Variants in LPP observed in about 807,000 individuals in gnomAD.
The protein encoded by LPP is lipoma-preferred partner.
In LPP, 38 loss-of-function variants were observed where a neutral mutation model predicts 60.4. That is an observed-to-expected ratio of 0.63 (90% CI 0.49 to 0.83). The LOEUF is 0.83. Among genes scored for constraint, LPP ranks in the 40% least tolerant of loss-of-function variants. LPP has a pLI of 0.00. For synonymous variants in LPP, 328 were observed against 290.8 expected (o/e 1.13, Z -1.30); for missense variants, 902 against 783.6 (o/e 1.15, Z -1.80).
At chr3:188,315,692 T>C (rs954502339) in intron 2 of LPP, among the ~76,000 whole-genome samples, 2 of 152,196 alleles carry the variant, frequency 1.3e-5, no homozygotes, top group Non-Finnish European at 1.5e-5. Context: ...TCTACCGTTG[T>C]GCCTGTCATA....
chr3:188,171,416 T>C (rs182487809), intron 1 of LPP, among the ~76,000 whole-genome samples: 1 of 152,354 alleles, frequency 6.6e-6, no homozygotes, highest in East Asian at 1.9e-4. Flanking sequence ...CTCAATGCTG[T>C]AAATCTTCCT....
intron 6 of LPP, among the ~76,000 whole-genome samples, chr3:188,582,268 C>T (rs1836416271): frequency 6.8e-6 from 1 of 147,360 alleles, no homozygotes; most frequent in South Asian, 2.2e-4. Flanking sequence ...TCAAACGATT[C>T]TCTTGCCTCA....
At chr3:188,779,354 G>C (rs893815175) in intron 9 of LPP, among the ~76,000 whole-genome samples, 6 of 152,164 alleles carry the variant, frequency 3.9e-5, no homozygotes, top group Non-Finnish European at 8.8e-5. Context: ...AGAAAATCAG[G>C]AAGGGACGTG....
chr3:188,315,957 T>C (rs139940560), intron 2 of LPP, among the ~76,000 whole-genome samples: 71 of 152,338 alleles, frequency 4.7e-4, no homozygotes, highest in African/African-American at 1.7e-3. Flanking sequence ...AAATCAAGTA[T>C]ACCTGGGTAA....
chr3:188,655,891 A>G (rs942934002), intron 7 of LPP, among the ~76,000 whole-genome samples: 10 of 152,074 alleles, frequency 6.6e-5, no homozygotes. Flanking sequence ...CTAATCTCAC[A>G]TTAAAAAAAC....
intron 9 of LPP, among the ~76,000 whole-genome samples, chr3:188,837,672 C>T (rs577175448): frequency 6.6e-6 from 1 of 152,046 alleles, no homozygotes; most frequent in Non-Finnish European, 1.5e-5. Flanking sequence ...AAAGCCATTA[C>T]TTGCTTTTTT....
chr3:188,158,311 G>A (rs1717140161), intron 1 of LPP, among the ~76,000 whole-genome samples: 1 of 152,176 alleles, frequency 6.6e-6, no homozygotes, highest in African/African-American at 2.4e-5. Context: ...TAATCATGTT[G>A]ATGCATGCAG....
At chr3:188,230,093 T>A (rs1189503429) in intron 2 of LPP, among the ~76,000 whole-genome samples, 2 of 135,894 alleles carry the variant, frequency 1.5e-5, no homozygotes, top group African/African-American at 5.8e-5. Flanking sequence ...AAACATATTC[T>A]TTTTTTTTTT....
At chr3:188,793,556 C>T (rs905537162) in intron 9 of LPP, among the ~76,000 whole-genome samples, 6 of 152,120 alleles carry the variant, frequency 3.9e-5, no homozygotes, top group Admixed American at 1.3e-4. Flanking sequence ...GATGTCCTGA[C>T]ATAAGAGTAA....
intron 3 of LPP, among the ~76,000 whole-genome samples, chr3:188,404,995 A>T (rs1024180291): frequency 6.6e-6 from 1 of 152,148 alleles, no homozygotes; most frequent in Non-Finnish European, 1.5e-5. Flanking sequence ...TATTATATGC[A>T]ATCTGATCAG....
chr3:188,602,440 G>A (rs1428789684), intron 6 of LPP, among the ~76,000 whole-genome samples: 1 of 151,512 alleles, frequency 6.6e-6, no homozygotes, highest in African/African-American at 2.4e-5. Flanking sequence ...AACTGAAATA[G>A]GTTAGCTGTG....
At chr3:188,591,070 A>T (rs955437203) in intron 6 of LPP, among the ~76,000 whole-genome samples, 16 of 152,180 alleles carry the variant, frequency 1.1e-4, no homozygotes, top group African/African-American at 3.9e-4. Context: ...GAGCCTCCAC[A>T]GCCAGAGGAT....
At chr3:188,622,008 T>G (rs1210330568) in intron 7 of LPP, among the ~76,000 whole-genome samples, 1 of 152,168 alleles carries the variant, frequency 6.6e-6, no homozygotes, top group Non-Finnish European at 1.5e-5. Context: ...AAGTCAGGGA[T>G]GGCATGGGCA....
At chr3:188,625,037 T>A (rs372866495) in intron 7 of LPP, among the ~76,000 whole-genome samples, 2 of 152,130 alleles carry the variant, frequency 1.3e-5, no homozygotes, top group Non-Finnish European at 2.9e-5. Flanking sequence ...TTATTCTTAG[T>A]GTTAGCATTT....
At chr3:188,519,238 G>A (rs185268345) in intron 5 of LPP, among the ~76,000 whole-genome samples, 140 of 152,170 alleles carry the variant, frequency 9.2e-4, no homozygotes, top group African/African-American at 3.1e-3. Flanking sequence ...ACCAAGCATG[G>A]GCCAAACTGA....
At chr3:188,450,529 G>T (rs1438491695) in intron 4 of LPP, among the ~76,000 whole-genome samples, 2 of 152,140 alleles carry the variant, frequency 1.3e-5, no homozygotes, top group African/African-American at 4.8e-5. Flanking sequence ...TGGATCATCT[G>T]AGGTCATGAG....
intron 6 of LPP, among the ~76,000 whole-genome samples, chr3:188,553,459 A>C (rs569643594): frequency 6.6e-6 from 1 of 152,292 alleles, no homozygotes; most frequent in East Asian, 1.9e-4. Flanking sequence ...GAGCTCGTGC[A>C]TGTTGGAGCT....
intron 6 of LPP, among the ~76,000 whole-genome samples, chr3:188,575,604 T>C (rs1834442566): frequency 6.6e-6 from 1 of 152,184 alleles, no homozygotes; most frequent in Non-Finnish European, 1.5e-5. Context: ...GCTGAATTCT[T>C]GACCTCTCAT....
intron 8 of LPP, among the ~76,000 whole-genome samples, chr3:188,727,539 T>C (rs1326315723): frequency 9.9e-5 from 15 of 152,230 alleles, no homozygotes; most frequent in Admixed American, 9.8e-4. Context: ...TTCATAGAAG[T>C]TCTAGACAAT....
Sources: gnomAD v4.1 joint callset for allele counts (sites outside exome capture counted in the v4.1 genomes callset) on GRCh38, gnomAD v4.1.1 for gene constraint, MANE v1.5 for transcripts, NCBI Gene and HGNC (gene_info 2026-07-23, HGNC 2026-07-21) for gene names.